Variants in ATXN2L observed in about 807,000 individuals in gnomAD.
ATXN2L encodes ataxin-2-like protein.
In ATXN2L, 24 loss-of-function variants were observed where a neutral mutation model predicts 120.7. The observed-to-expected ratio is 0.20, with a 90% CI of 0.14 to 0.28. The LOEUF (loss-of-function observed/expected upper bound fraction) is 0.28. ATXN2L is among the 10% of genes least tolerant of loss of function. The pLI, the probability that ATXN2L is intolerant of heterozygous loss-of-function variation, is 1.00. For missense variants in ATXN2L, 1,312 were observed against 1,432.3 expected (o/e 0.92, Z 1.36); for synonymous variants, 653 against 568.1 (o/e 1.15, Z -2.13).
chr16:28,826,605 G>C, intron 5 of ATXN2L: 1 of 598,762 alleles, frequency 1.7e-6, no homozygotes, highest in East Asian at 2.9e-5. Flanking sequence ...ATGAATTCCT[G>C]TCTGTGTTGT....
At position 28,836,239 on chromosome 16, in the gene ATXN2L, G is replaced by A. The variant is rs1266694959; in HGVS notation, c.3202G>A (p.Asp1068Asn). Residue 1068 changes from aspartate to asparagine, a missense_variant, in exon 22 of 22, where the codon GAT (aspartate) becomes AAT (asparagine). Transcript: ENST00000336783. ...GRAEGLQVGQ[D>N]ARVLGGE is the part of the protein sequence containing the mutation. ...AGCTGAGGGGCTGCAGGTGGGGCAG[G>A]ATGCACGGGTTCTGGGTGGGGAGTG... 15 of 1,613,378 alleles carry A rather than the reference G, an allele frequency of 9.3e-6. No individual in the cohort carries two copies. The highest frequency in any genetic ancestry group is 1.3e-5 in the African/African-American group (1 of 74,882).
chr16:28,825,462 A>G, intron 2 of ATXN2L, 60 bp downstream of exon 2: 9 of 1,574,842 alleles, frequency 5.7e-6, no homozygotes, highest in Non-Finnish European at 7.9e-6. Flanking sequence ...ATAATGTGGG[A>G]ATATAGGGCA....
In ATXN2L at chr16:28,835,923, T is replaced by A. The variant is rs1567439658; in HGVS notation, c.2896-10T>A. ...TGTGGTCTTCCCGGCTACTTTTTTG[T>A]TTTCCACAGGCCCATGTCCAAACTG... On this transcript the variant is annotated splice_polypyrimidine_tract_variant and intron_variant, in intron 21 of 21. Coordinates refer to ENST00000336783, the MANE Select transcript of ATXN2L (RefSeq NM_007245.4). The A allele has an allele frequency of 5.8e-6, 9 of 1,548,328 alleles. No individual in the cohort carries two copies. The highest frequency in any genetic ancestry group is 7.8e-6 in the Non-Finnish European group (9 of 1,146,868).
At chr16:28,834,441 G>T (rs375591297) in intron 17 of ATXN2L, 26 bp downstream of exon 17, 2 of 1,613,494 alleles carry the variant, frequency 1.2e-6, no homozygotes, top group Non-Finnish European at 1.7e-6. Context: ...AGGGGCAGGC[G>T]GCGAGGCTGC....
intron 6 of ATXN2L, among the ~76,000 whole-genome samples, chr16:28,828,636 A>G (rs1268814995): frequency 6.6e-6 from 1 of 151,008 alleles, no homozygotes; most frequent in Non-Finnish European, 1.5e-5. Flanking sequence ...TTATTAGTTG[A>G]TTACTTTTGC....
At chr16:28,826,016 T>C (rs2051817280) in intron 4 of ATXN2L, 175 bp downstream of exon 4, 3 of 828,844 alleles carry the variant, frequency 3.6e-6, no homozygotes, top group Non-Finnish European at 5.6e-6. Flanking sequence ...GGTACTTTAA[T>C]GTTAAAATAT....
Position 28,827,003 on chromosome 16 carries a change from TGAGAACTTGG to T in ATXN2L, c.741+21_741+30del. On this transcript the variant is annotated intron_variant, in intron 6 of 21. Transcript: ENST00000336783. ...TCTGACATGGTATAGCCTCCTTCCC[TGAGAACTTGG>T]GAGCTGGACAGACAGAATGGGTTGT... 2 of 1,441,256 alleles carry T rather than the reference TGAGAACTTGG, an allele frequency of 1.4e-6. No individual in the cohort carries two copies. Among genetic ancestry groups the T allele is most frequent in the Non-Finnish European group, 1.8e-6 (2 of 1,082,094 alleles). The allele number at this position is 1,441,256 out of a possible 1,614,324, so 89.3% of individuals were successfully genotyped here.
intron 1 of ATXN2L, chr16:28,824,112 G>C (rs1028340818): frequency 9.8e-7 from 1 of 1,017,178 alleles, no homozygotes; most frequent in Non-Finnish European, 1.2e-6. Context: ...TGGGAGGACT[G>C]CGGGCCGGGA....
rs986608218 is a variant in ATXN2L, at chr16:28,823,339, C to A, written c.80C>A (p.Pro27His). The A allele has an allele frequency of 2.2e-6, 3 of 1,385,178 alleles. No homozygotes were observed. The highest frequency in any genetic ancestry group is 2.8e-6 in the Non-Finnish European group (3 of 1,070,828). 85.8% of individuals were successfully genotyped at this position (1,385,178 alleles called of 1,614,324 possible). Residue 27 changes from proline (P) to histidine (H), a missense_variant, in exon 1 of 22, where the codon CCC becomes CAC. Transcript: ENST00000336783. ...ACGCAACAGGCCGTGGCCCGTCGGC[C>A]CCCCGGGGGCACCAGCCCTCCCAAC... ...PPTQQAVARR[P>H]PGGTSPPNGG...
At chr16:28,834,805 C>G (rs947364174) in intron 18 of ATXN2L, 112 bp downstream of exon 18, 11 of 1,329,446 alleles carry the variant, frequency 8.3e-6, no homozygotes, top group Non-Finnish European at 1.1e-5. Flanking sequence ...TAGGTGGGAT[C>G]GGCCCTCTGT....
chr16:28,824,137 C>T (rs1364619474), intron 1 of ATXN2L: 45 of 1,019,432 alleles, frequency 4.4e-5, no homozygotes, highest in Non-Finnish European at 5.1e-5. Flanking sequence ...CTGGCGCGCG[C>T]GCCCCCTTCC....
chr16:28,837,144 G>T lies in ATXN2L; in HGVS notation c.*879G>T. 1 of 319,078 alleles carries T rather than the reference G, an allele frequency of 3.1e-6. No individual in the cohort carries two copies. The highest frequency in any genetic ancestry group is 6.0e-6 in the Non-Finnish European group (1 of 167,922). The allele number at this position is 319,078 out of a possible 1,614,324, so 19.8% of individuals were successfully genotyped here. On this transcript the variant is annotated 3_prime_UTR_variant, in exon 22 of 22. Coordinates refer to ENST00000336783, the MANE Select transcript of ATXN2L (RefSeq NM_007245.4). ...TGACCTGTGTGAGAGACAGACAGAT[G>T]CCCCACGAGGATGGCTGGACAAGGA...
rs1304169427 is a variant in ATXN2L at position 28,824,662 on chromosome 16, G to T, written c.300-704G>T. Reference sequence around the variant, plus strand: ...AATGATTGTCTTTTCTGTTTGGGAGGTAATGTACCTGAGCTAGGTAGTTCC... The same window carrying T: ...AATGATTGTCTTTTCTGTTTGGGAGTTAATGTACCTGAGCTAGGTAGTTCC... On this transcript the variant is annotated intron_variant, in intron 1 of 21. Coordinates refer to ENST00000336783, the MANE Select transcript of ATXN2L (RefSeq NM_007245.4). 3.7e-6 allele frequency: 4 copies of T among 1,071,554 alleles called. No homozygotes were observed. The African/African-American group carries it at 6.6e-5, about 18-fold the overall frequency. The allele number at this position is 1,071,554 out of a possible 1,614,324, so 66.4% of individuals were successfully genotyped here. A position where few individuals can be genotyped will look rare whatever the true frequency, so the allele number is the denominator to read the frequency against.
chr16:28,834,339 C>T lies in ATXN2L; in HGVS notation c.2173-4C>T, dbSNP rs1396115606. ...TTCAGCCTCATCTGTGTCCTCATCC[C>T]CAGGCACCTCAGATGTATCCATATC... On this transcript the variant is annotated splice_region_variant and splice_polypyrimidine_tract_variant and intron_variant, in intron 16 of 21. Coordinates refer to ENST00000336783, the MANE Select transcript of ATXN2L (RefSeq NM_007245.4). 1 of 1,613,746 alleles carries T rather than the reference C, an allele frequency of 6.2e-7. No individual in the cohort carries two copies. The highest frequency in any genetic ancestry group is 1.3e-5 in the African/African-American group (1 of 74,914).
At chr16:28,830,344 G>A (rs1199987852) in intron 8 of ATXN2L, among the ~76,000 whole-genome samples, 7 of 152,130 alleles carry the variant, frequency 4.6e-5, no homozygotes, top group African/African-American at 9.7e-5. Flanking sequence ...CTGGAACTAC[G>A]GTGTGATCCT....
intron 1 of ATXN2L, 46 bp from the exon 2 acceptor site, chr16:28,825,320 A>G (rs781069272): frequency 2.0e-5 from 31 of 1,582,136 alleles, no homozygotes; most frequent in African/African-American, 6.7e-5. Flanking sequence ...ATAGTGGTCT[A>G]AGAGGGCTTG....
intron 6 of ATXN2L, among the ~76,000 whole-genome samples, chr16:28,827,784 C>G (rs768080116): frequency 5.5e-4 from 84 of 152,148 alleles, no homozygotes; most frequent in Non-Finnish European, 9.6e-4. Context: ...GCGTGGTGGT[C>G]CCACACCTGT....
Position 28,835,263 on chromosome 16 carries a change from T to G in ATXN2L, c.2564-15T>G. 1 of 1,613,856 alleles carries G rather than the reference T, an allele frequency of 6.2e-7. No homozygotes were observed. The highest frequency in any genetic ancestry group is 8.5e-7 in the Non-Finnish European group (1 of 1,179,908). ...TGGTGTGCTCAGCACTGGTTCTCCC[T>G]CTTTCCTGCTGCAGCCACTGTTCAC... On this transcript the variant is annotated splice_polypyrimidine_tract_variant and intron_variant, in intron 19 of 21. Coordinates refer to ENST00000336783, the MANE Select transcript of ATXN2L (RefSeq NM_007245.4).
At chr16:28,825,702 G>A in intron 3 of ATXN2L, 22 bp downstream of exon 3, 20 of 1,613,860 alleles carry the variant, frequency 1.2e-5, no homozygotes, top group Non-Finnish European at 1.6e-5. Flanking sequence ...CTTAACCCCC[G>A]GGTTGTTTAA....
Sources: allele counts gnomAD v4.1 joint callset (sites outside exome capture counted in the v4.1 genomes callset), GRCh38; gene constraint gnomAD v4.1.1; transcripts MANE v1.5; gene names NCBI Gene and HGNC (gene_info 2026-07-23, HGNC 2026-07-21).